OTOGL: variants seen among roughly 807,000 people sequenced by gnomAD.
OTOGL encodes the protein otogelin-like protein.
A neutral mutation model predicts 318.5 loss-of-function variants in OTOGL; 285 were observed. The ratio of observed to expected loss-of-function variants is 0.89; its 90% CI spans 0.81 to 0.99. The LOEUF (loss-of-function observed/expected upper bound fraction) is 0.99. Ranked by LOEUF, OTOGL falls within the 50% of genes least tolerant of loss-of-function variation. OTOGL has a pLI of 0.00. For missense variants in OTOGL, 2,899 were observed against 2,845.6 expected, an observed-to-expected ratio of 1.02 and a Z score of -0.43; for synonymous variants, 987 against 936.5, an observed-to-expected ratio of 1.05 and a Z score of -0.99.
chr12:80,198,877 C>G (rs1592538532), intron 1 of OTOGL, among the ~76,000 whole-genome samples: 3 of 152,192 alleles, frequency 2.0e-5, no homozygotes, highest in South Asian at 4.1e-4. Flanking sequence ...GACCAAATAG[C>G]TATCATCTCT....
rs1888809888 is a variant in OTOGL at position 80,342,083 on chromosome 12, T to C, written c.5186T>C (p.Val1729Ala). 6.2e-7 allele frequency: 1 copy of C among 1,606,850 alleles called. No individual in the cohort carries two copies. The highest frequency in any genetic ancestry group is 1.1e-5 in the South Asian group (1 of 89,568). ...TTTGAAGTAACAATGAGAAGACCTG[T>C]TAGGAATTGTACTGAGCATGATTGC... ...KSFEVTMRRP[V>A]RNCTEHDCSQ... The change falls in exon 44 of 59, where the codon GTT becomes GCT. Residue 1729 changes from valine (V) to alanine (A), a missense_variant. This residue lies in a region of OTOGL where 2,607 missense variants were observed against 2,524.9 expected (regional missense o/e 1.03). Coordinates refer to ENST00000547103, the MANE Select transcript of OTOGL (RefSeq NM_001378609.3).
chr12:80,308,569 G>A (rs12816559), intron 29 of OTOGL, among the ~76,000 whole-genome samples: 3,724 of 152,204 alleles, frequency 0.024, 176 homozygotes, highest in African/African-American at 0.083. Context: ...CGGGGTGGCG[G>A]CCGGGCAGAG....
intron 32 of OTOGL, among the ~76,000 whole-genome samples, chr12:80,314,545 G>A (rs1238996313): frequency 2.0e-5 from 3 of 151,988 alleles, no homozygotes; most frequent in Non-Finnish European, 4.4e-5. Context: ...TGTAACTTAA[G>A]TTCTCAGAAT....
intron 11 of OTOGL, among the ~76,000 whole-genome samples, chr12:80,248,860 A>G (rs1234642258): frequency 6.7e-6 from 1 of 149,114 alleles, no homozygotes; most frequent in Non-Finnish European, 1.5e-5. Context: ...GGCTTTGCTC[A>G]TTTCTTTTTA....
Position 80,336,836 on chromosome 12 carries a change from G to C in OTOGL, c.4767+16G>C. ...AAAAAAGCTAGTGAGTATTTGCAAAGTGTTTAGTACATTCATTCTGTTTAT... is the reference window on the plus strand; with the variant it reads ...AAAAAAGCTAGTGAGTATTTGCAAACTGTTTAGTACATTCATTCTGTTTAT... On this transcript the variant is annotated intron_variant, in intron 41 of 58. Coordinates refer to ENST00000547103, the MANE Select transcript of OTOGL (RefSeq NM_001378609.3). 3.3e-6 allele frequency: 5 copies of C among 1,535,178 alleles called. No homozygotes were observed. The highest frequency in any genetic ancestry group is 4.4e-6 in the Non-Finnish European group (5 of 1,133,852).
intron 25 of OTOGL, among the ~76,000 whole-genome samples, chr12:80,278,782 C>T (rs1188845375): frequency 1.3e-5 from 2 of 151,520 alleles, no homozygotes; most frequent in Non-Finnish European, 3.0e-5. Flanking sequence ...CTATCATCTA[C>T]TTTCTGTGTG....
At chr12:80,351,368 C>T (rs1001119151) in intron 44 of OTOGL, among the ~76,000 whole-genome samples, 2 of 151,846 alleles carry the variant, frequency 1.3e-5, no homozygotes, top group Non-Finnish European at 2.9e-5. Flanking sequence ...CAGGCTGGAG[C>T]ACAGTGGTGC....
chr12:80,374,976 T>C (rs1891098029), intron 57 of OTOGL, among the ~76,000 whole-genome samples: 1 of 152,180 alleles, frequency 6.6e-6, no homozygotes, highest in South Asian at 2.1e-4. Flanking sequence ...ATCATAGTAG[T>C]AAATAATAAA....
At chr12:80,176,381 C>T (rs187417720) in intron 1 of OTOGL, among the ~76,000 whole-genome samples, 3 of 152,238 alleles carry the variant, frequency 2.0e-5, no homozygotes, top group African/African-American at 4.8e-5. Context: ...TGTGTCTCTT[C>T]GTAATCTCTC....
chr12:80,294,337 G>A (rs968863818), intron 26 of OTOGL, among the ~76,000 whole-genome samples: 2 of 151,416 alleles, frequency 1.3e-5, no homozygotes, highest in African/African-American at 4.9e-5. Context: ...AACTAACATT[G>A]AGGCATTTTA....
chr12:80,254,870 C>G (rs1474647941), intron 15 of OTOGL, among the ~76,000 whole-genome samples, 170 bp from the exon 16 acceptor site: 1 of 151,870 alleles, frequency 6.6e-6, no homozygotes, highest in Non-Finnish European at 1.5e-5. Context: ...GTTTGTCAAA[C>G]CAGTAAATTT....
intron 44 of OTOGL, among the ~76,000 whole-genome samples, chr12:80,347,207 GTA>G (rs1889250759): frequency 6.6e-6 from 1 of 151,664 alleles, no homozygotes; most frequent in African/African-American, 2.4e-5. Flanking sequence ...TGTTATATAG[GTA>G]TACAAGCGCC....
Position 80,302,660 on chromosome 12 carries a change from CA to C in OTOGL, c.3093del (p.Lys1031AsnfsTer13). The C allele has an allele frequency of 7.2e-7, 1 of 1,383,274 alleles. No homozygotes were observed. Among genetic ancestry groups the C allele is most frequent in the Non-Finnish European group, 9.4e-7 (1 of 1,065,982 alleles). 85.7% of individuals were successfully genotyped at this position (1,383,274 alleles called of 1,614,324 possible). A position where few individuals can be genotyped will look rare whatever the true frequency, so the allele number is the denominator to read the frequency against. On this transcript the variant is annotated frameshift_variant, in exon 28 of 59. Coordinates refer to ENST00000547103, the MANE Select transcript of OTOGL (RefSeq NM_001378609.3). LOFTEE classifies it high-confidence loss of function. ...QKQSGFFLEN[K>X]STYQLWKAGY... ...AACAATCAGGTTTTTTTCTGGAAAA[CA>C]AATCTACCTACCAGCTTTGGAAGGC...
intron 52 of OTOGL, 118 bp downstream of exon 52, chr12:80,359,018 A>C (rs992826200): frequency 2.4e-6 from 2 of 825,824 alleles, no homozygotes; most frequent in African/African-American, 1.7e-5. Flanking sequence ...ATTAAATTGT[A>C]CTAAAGTAGA....
intron 34 of OTOGL, among the ~76,000 whole-genome samples, chr12:80,321,389 C>A (rs1887322605): frequency 6.6e-6 from 1 of 152,052 alleles, no homozygotes. Context: ...AACTAATTTG[C>A]CTTTTCTGTT....
chr12:80,144,563 A>C (rs1231328910), intron 1 of OTOGL, among the ~76,000 whole-genome samples: 3 of 151,392 alleles, frequency 2.0e-5, no homozygotes, highest in Non-Finnish European at 2.9e-5. Flanking sequence ...TCCTTTGGGT[A>C]TATATCCAGT....
chr12:80,208,213 A>G (rs1340678276), intron 1 of OTOGL: 1 of 518,018 alleles, frequency 1.9e-6, no homozygotes, highest in African/African-American at 1.9e-5. Context: ...ATGGAAAGGA[A>G]TTATGGTTAT....
Position 80,372,071 on chromosome 12 carries a change from G to A in OTOGL, c.6781+7G>A. 1 of 1,539,854 alleles carries A rather than the reference G, an allele frequency of 6.5e-7. No homozygotes were observed. The highest frequency in any genetic ancestry group is 1.9e-5 in the Admixed American group (1 of 52,192). On this transcript the variant is annotated splice_region_variant and intron_variant, in intron 57 of 58. Coordinates refer to ENST00000547103, the MANE Select transcript of OTOGL (RefSeq NM_001378609.3). ...GAAGGCTGTTGCAAGATCTGTAAGT[G>A]AGAGCATATTCCATGCATTTACTTG...
chr12:80,310,598 A>C lies in OTOGL; in HGVS notation c.3334-13A>C. ...TTTGAAAACTTCTTTTCTCTCTTAA[A>C]TTTTTTCAACAGTGTGAAAGTCCAG... is the stretch of plus-strand genomic sequence containing the variant. On this transcript the variant is annotated splice_polypyrimidine_tract_variant and intron_variant, in intron 29 of 58. Coordinates refer to ENST00000547103, the MANE Select transcript of OTOGL (RefSeq NM_001378609.3). 6.5e-7 allele frequency: 1 copy of C among 1,544,936 alleles called. No homozygotes were observed. Among genetic ancestry groups the C allele is most frequent in the Non-Finnish European group, 8.8e-7 (1 of 1,134,422 alleles).
Sources: gnomAD v4.1 joint callset for allele counts (sites outside exome capture counted in the v4.1 genomes callset) on GRCh38, gnomAD v4.1.1 for gene constraint, gnomAD v4.1.1 regional missense constraint, MANE v1.5 for transcripts, NCBI Gene and HGNC (gene_info 2026-07-23, HGNC 2026-07-21) for gene names.